Variants in JMY observed in about 807,000 individuals in gnomAD.
The protein encoded by JMY is junction mediating and regulatory protein, p53 cofactor, also known as junction-mediating and -regulatory protein.
Under a neutral mutation model 103.3 loss-of-function variants are expected in JMY, and 46 were observed. The observed-to-expected ratio is 0.45, with a 90% CI of 0.35 to 0.57. JMY has a LOEUF of 0.57. Ranked by LOEUF, JMY falls within the 20% of genes least tolerant of loss-of-function variation. The probability of loss-of-function intolerance (pLI) is 0.00; values close to 1 mark genes in which losing one functional copy is unlikely to be tolerated. For synonymous variants in JMY, 526 were observed against 489.3 expected (o/e 1.07, Z -0.99); for missense variants, 1,238 against 1,255.2 (o/e 0.99, Z 0.21).
At chr5:79,284,894 G>C in intron 2 of JMY, 2 of 1,559,644 alleles carry the variant, frequency 1.3e-6, no homozygotes, top group Non-Finnish European at 1.7e-6. Flanking sequence ...CCTTTCGTAA[G>C]GTGCTTGTTC....
At chr5:79,289,601 T>A (rs958581641) in intron 2 of JMY, among the ~76,000 whole-genome samples, 2 of 152,222 alleles carry the variant, frequency 1.3e-5, no homozygotes, top group African/African-American at 4.8e-5. Context: ...TTCATTCCTG[T>A]CCATCCTTTG....
intron 9 of JMY, 29 bp downstream of exon 9, chr5:79,314,880 T>G (rs201510676): frequency 3.3e-6 from 5 of 1,523,060 alleles, no homozygotes; most frequent in Non-Finnish European, 4.4e-6. Flanking sequence ...ATGGTCCATC[T>G]GTTGTATGAC....
chr5:79,278,626 G>A (rs1746019038), intron 2 of JMY, among the ~76,000 whole-genome samples: 1 of 144,264 alleles, frequency 6.9e-6, no homozygotes. Flanking sequence ...AAACTAGCTG[G>A]ATGTGGTGGC....
In JMY at chr5:79,290,108, T is replaced by C. The variant is rs754764103; in HGVS notation, c.1207-13T>C. Reference sequence around the variant, plus strand: ...GACTTGAACTTCTTAATTTTTTCTTTTTCTCTCTGAAGATTTCCATGGAGA... The same window carrying C: ...GACTTGAACTTCTTAATTTTTTCTTCTTCTCTCTGAAGATTTCCATGGAGA... On this transcript the variant is annotated splice_polypyrimidine_tract_variant and intron_variant, in intron 2 of 10. Transcript: ENST00000396137. The C allele has an allele frequency of 7.7e-6, 12 of 1,557,914 alleles. No homozygotes were observed. Among genetic ancestry groups the C allele is most frequent in the Non-Finnish European group, 9.5e-6 (11 of 1,155,386 alleles).
At chr5:79,270,337 A>T (rs988955285) in intron 1 of JMY, among the ~76,000 whole-genome samples, 1 of 102,852 alleles carries the variant, frequency 9.7e-6, no homozygotes, top group Admixed American at 1.0e-4. Context: ...AAATATTTAA[A>T]ATATATATTT....
intron 6 of JMY, among the ~76,000 whole-genome samples, chr5:79,304,319 T>G (rs558547642): frequency 6.6e-6 from 1 of 152,260 alleles, no homozygotes; most frequent in South Asian, 2.1e-4. Flanking sequence ...GAAAAACAAA[T>G]GTCTCCCTAT....
At chr5:79,316,364 A>T in intron 10 of JMY, 54 bp downstream of exon 10, 3 of 1,373,204 alleles carry the variant, frequency 2.2e-6, no homozygotes, top group East Asian at 2.5e-5. Context: ...TTTATATCGG[A>T]TGATGAGGTT....
chr5:79,276,642 CTG>C (rs1371924592), intron 1 of JMY, among the ~76,000 whole-genome samples: 1 of 151,912 alleles, frequency 6.6e-6, no homozygotes, highest in Non-Finnish European at 1.5e-5. Flanking sequence ...GAGTCTCACT[CTG>C]TCGCCAGGCT....
Position 79,323,837 on chromosome 5 carries a change from G to A in JMY, c.*2235G>A, listed in dbSNP as rs1053923676. ...AAGTCTCTAGCAAAGAGTGGAGGGT[G>A]GAGGGTGTGTAGAACTCCACTCAGC... On this transcript the variant is annotated 3_prime_UTR_variant, in exon 11 of 11. Coordinates refer to ENST00000396137, the MANE Select transcript of JMY (RefSeq NM_152405.5). 6.6e-6 allele frequency: 1 copy of A among 152,124 alleles called. No homozygotes were observed. Among genetic ancestry groups the A allele is most frequent in the South Asian group, 2.1e-4 (1 of 4,816 alleles). The allele number at this position is 152,124 out of a possible 1,614,324, so 9.4% of individuals were successfully genotyped here.
At chr5:79,242,394 G>C (rs1306217205) in intron 1 of JMY, among the ~76,000 whole-genome samples, 1 of 152,192 alleles carries the variant, frequency 6.6e-6, no homozygotes, top group Admixed American at 6.5e-5. Context: ...TACTAAAGAG[G>C]CTTCCAGGAA....
chr5:79,297,314 C>T (rs571511472), intron 4 of JMY, among the ~76,000 whole-genome samples: 3 of 152,188 alleles, frequency 2.0e-5, no homozygotes, highest in Admixed American at 2.0e-4. Context: ...TTCTTCTTGC[C>T]CAGGGAAGCA....
intron 1 of JMY, among the ~76,000 whole-genome samples, chr5:79,253,083 T>C (rs1194630435): frequency 6.6e-6 from 1 of 152,316 alleles, no homozygotes; most frequent in East Asian, 1.9e-4. Flanking sequence ...GTATGTTTTT[T>C]ATGTTTTTTG....
At chr5:79,240,225 A>G (rs573109581) in intron 1 of JMY, among the ~76,000 whole-genome samples, 6 of 151,978 alleles carry the variant, frequency 3.9e-5, no homozygotes, top group Non-Finnish European at 8.8e-5. Flanking sequence ...CATGTTGGCC[A>G]AGCTGGTCTC....
chr5:79,312,531 CTTTT>C (rs35852788), intron 8 of JMY, 33 bp downstream of exon 8: 1,236 of 854,976 alleles, frequency 1.4e-3, no homozygotes, highest in South Asian at 2.9e-3. Flanking sequence ...TATTGTTTTT[CTTTT>C]TTTTTTTTTT....
At position 79,237,446 on chromosome 5, in the gene JMY, A is replaced by C. The variant is rs1455351399; in HGVS notation, c.796A>C (p.Met266Leu). Reference protein sequence around the residue: ...LPVFPEEPSGMWTVLFGGAPE... With the variant: ...LPVFPEEPSGLWTVLFGGAPE... ...GGTGTTCCCCGAGGAACCTTCGGGC[A>C]TGTGGACTGTGCTGTTTGGGGGCGC... The change falls in exon 1 of 11, where the codon ATG (methionine) becomes CTG (leucine). Residue 266 changes from methionine to leucine, a missense_variant. By Grantham distance (15) the Met-to-Leu change is conservative. Transcript: ENST00000396137. 1.2e-6 allele frequency: 2 copies of C among 1,613,652 alleles called. No individual in the cohort carries two copies. Among genetic ancestry groups the C allele is most frequent in the African/African-American group, 1.3e-5 (1 of 74,870 alleles).
At chr5:79,296,639 G>A (rs1746571684) in intron 4 of JMY, among the ~76,000 whole-genome samples, 1 of 152,214 alleles carries the variant, frequency 6.6e-6, no homozygotes, top group African/African-American at 2.4e-5. Flanking sequence ...ATGCCACTAT[G>A]CCTAGCTATG....
intron 1 of JMY, 36 bp downstream of exon 1, chr5:79,237,718 T>C: frequency 6.4e-7 from 1 of 1,563,872 alleles, no homozygotes; most frequent in Middle Eastern, 1.7e-4. Context: ...GCTCTACTGG[T>C]CGCTTTTGGT....
At chr5:79,238,876 T>C (rs1278446591) in intron 1 of JMY, among the ~76,000 whole-genome samples, 1 of 152,032 alleles carries the variant, frequency 6.6e-6, no homozygotes, top group Admixed American at 6.6e-5. Flanking sequence ...TCTTGGCCAG[T>C]ATGGTCTCGA....
chr5:79,275,800 TG>T (rs1435163107), intron 1 of JMY, among the ~76,000 whole-genome samples: 1 of 152,270 alleles, frequency 6.6e-6, no homozygotes, highest in Non-Finnish European at 1.5e-5. Context: ...GCACTTTTTT[TG>T]TTATAAAAGC....
Sources: allele counts gnomAD v4.1 joint callset (sites outside exome capture counted in the v4.1 genomes callset), GRCh38; gene constraint gnomAD v4.1.1; transcripts MANE v1.5; gene names NCBI Gene and HGNC (gene_info 2026-07-23, HGNC 2026-07-21).